The following PCDHA6 variants were observed in gnomAD, a reference collection of about 807,000 sequenced individuals.
PCDHA6 encodes the protein protocadherin alpha 6.
In PCDHA6, 55 loss-of-function variants were observed where a neutral mutation model predicts 60.3. That is an observed-to-expected ratio of 0.91 (90% CI 0.73 to 1.14). The LOEUF (loss-of-function observed/expected upper bound fraction) is 1.14, where lower values mean the gene tolerates loss of function less well. PCDHA6 is among the 50% of genes most tolerant of loss of function. The pLI is 0.00. For missense variants in PCDHA6, 1,327 were observed against 1,256.5 expected (o/e 1.06, Z -0.85); for synonymous variants, 652 against 557.9 (o/e 1.17, Z -2.38).
At chr5:140,840,654 A>T (rs17119241) in intron 1 of PCDHA6, among the ~76,000 whole-genome samples, 31,454 of 151,946 alleles carry the variant, frequency 0.21, 4,191 homozygotes, top group African/African-American at 0.36. Flanking sequence ...AGTGTAAAGA[A>T]TATGCACATA....
At chr5:140,861,605 T>C in intron 1 of PCDHA6, 2 of 362,576 alleles carry the variant, frequency 5.5e-6, no homozygotes, top group Non-Finnish European at 1.1e-5. Context: ...TGAAGAACAA[T>C]AAAGACAACC....
chr5:140,978,842 T>A, intron 1 of PCDHA6, 107 bp from the exon 2 acceptor site: 1 of 1,564,670 alleles, frequency 6.4e-7, no homozygotes, highest in East Asian at 2.3e-5. Flanking sequence ...TTCAATACTT[T>A]TTTAGATGCC....
At chr5:140,991,320 A>G (rs1563572656) in intron 3 of PCDHA6, among the ~76,000 whole-genome samples, 1 of 152,216 alleles carries the variant, frequency 6.6e-6, no homozygotes, top group Non-Finnish European at 1.5e-5. Context: ...CGCATGATAC[A>G]TGAAGGGAAT....
chr5:140,838,880 A>T (rs959221934), intron 1 of PCDHA6, among the ~76,000 whole-genome samples: 5 of 151,848 alleles, frequency 3.3e-5, no homozygotes. Context: ...ATGCCACTGA[A>T]CTCCAGCCTA....
chr5:140,903,086 C>T lies in PCDHA6; in HGVS notation c.2394+72601C>T, dbSNP rs534457835. 2.6e-5 allele frequency among the ~76,000 whole-genome samples: 4 copies of T among 152,260 alleles called. No homozygotes were observed. In the East Asian group the frequency reaches 7.7e-4, roughly 29 times the overall value. ...CCTTTGGGTAGATACCTGATAGTGGCATTGCTGGATCAAATAATAGCTCTA... is the reference window on the plus strand; with the variant it reads ...CCTTTGGGTAGATACCTGATAGTGGTATTGCTGGATCAAATAATAGCTCTA... On this transcript the variant is annotated intron_variant, in intron 1 of 3. Transcript: ENST00000529310.
chr5:140,892,779 A>G (rs1490865049), intron 1 of PCDHA6, among the ~76,000 whole-genome samples: 1 of 152,192 alleles, frequency 6.6e-6, no homozygotes, highest in Non-Finnish European at 1.5e-5. Flanking sequence ...TAGCTTCTTG[A>G]AAATATGTAA....
intron 1 of PCDHA6, chr5:140,852,618 T>A (rs1455728241): frequency 1.1e-6 from 1 of 941,332 alleles, no homozygotes; most frequent in Admixed American, 6.4e-5. Context: ...AAAACTTGAG[T>A]GGTCTCTGAG....
intron 1 of PCDHA6, chr5:140,863,371 C>A: frequency 2.6e-6 from 3 of 1,169,148 alleles, no homozygotes; most frequent in Non-Finnish European, 3.7e-6. Context: ...CTTGGCGCAG[C>A]TCACCGAGAG....
At chr5:140,846,314 A>T (rs888599535) in intron 1 of PCDHA6, among the ~76,000 whole-genome samples, 1 of 148,000 alleles carries the variant, frequency 6.8e-6, no homozygotes, top group African/African-American at 2.5e-5. Context: ...CCATTTATGT[A>T]GAGTGTTGTA....
chr5:140,878,622 T>A (rs1163171601), intron 1 of PCDHA6, among the ~76,000 whole-genome samples: 1 of 152,244 alleles, frequency 6.6e-6, no homozygotes, highest in African/African-American at 2.4e-5. Flanking sequence ...GCATTTTACA[T>A]ATTTTAACTT....
Position 140,830,044 on chromosome 5 carries a change from G to A in PCDHA6, c.1953G>A (p.Val651=). Residue 651 remains valine, a synonymous_variant, in exon 1 of 4, where the codon GTG becomes GTA. Coordinates refer to ENST00000529310, the MANE Select transcript of PCDHA6 (RefSeq NM_018909.4). ...CGCGCCACCGGCTGCTGGTGCTGGT[G>A]AAAGACCACGGTGAGCCGGCGCTGA... is the stretch of plus-strand genomic sequence containing the variant. ...DSPRHRLLVL[V]KDHGEPALTA... 6.2e-7 allele frequency: 1 copy of A among 1,613,812 alleles called. No homozygotes were observed. The highest frequency in any genetic ancestry group is 2.2e-5 in the East Asian group (1 of 44,866).
At chr5:140,927,818 A>C (rs1554205106) in intron 1 of PCDHA6, 1 of 1,614,190 alleles carries the variant, frequency 6.2e-7, no homozygotes, top group Admixed American at 1.7e-5. Flanking sequence ...TTGGAGGCAT[A>C]CATTGAGGCG....
chr5:140,922,268 A>T (rs2153564244), intron 1 of PCDHA6, among the ~76,000 whole-genome samples: 1 of 152,382 alleles, frequency 6.6e-6, no homozygotes, highest in Non-Finnish European at 1.5e-5. Context: ...TGCCATGAAG[A>T]TTGGACCAAG....
chr5:140,945,079 T>C (rs1554216701), intron 1 of PCDHA6, among the ~76,000 whole-genome samples: 1 of 152,126 alleles, frequency 6.6e-6, no homozygotes, highest in South Asian at 2.1e-4. Context: ...ACCAAAACAC[T>C]CTTGGAACTA....
At chr5:140,870,371 T>C (rs1419353241) in intron 1 of PCDHA6, 52 of 1,613,894 alleles carry the variant, frequency 3.2e-5, no homozygotes, top group Non-Finnish European at 4.2e-5. Flanking sequence ...TATGAACTGG[T>C]GGTGACTGCG....
chr5:140,941,190 TTTTTCTTTCTTC>T (rs1475511565), intron 1 of PCDHA6, among the ~76,000 whole-genome samples: 3 of 129,438 alleles, frequency 2.3e-5, no homozygotes, highest in South Asian at 2.5e-4. Context: ...TGCTTCTTTT[TTTTTCTTTCTTC>T]CTTTCTTTCT....
chr5:140,969,547 A>C, intron 1 of PCDHA6: 10 of 1,244,334 alleles, frequency 8.0e-6, no homozygotes, highest in Non-Finnish European at 9.8e-6. Flanking sequence ...AGAGGCATGA[A>C]GCCTTGTCCA....
At chr5:140,936,640 C>T (rs782162757) in intron 1 of PCDHA6, among the ~76,000 whole-genome samples, 2 of 152,208 alleles carry the variant, frequency 1.3e-5, no homozygotes, top group Non-Finnish European at 2.9e-5. Flanking sequence ...TCATAAGCAA[C>T]GTGACTTTAT....
At chr5:140,875,474 T>C (rs1369376569) in intron 1 of PCDHA6, 1 of 1,606,582 alleles carries the variant, frequency 6.2e-7, no homozygotes, top group Non-Finnish European at 8.5e-7. Flanking sequence ...TTTTCTGCAA[T>C]GGTGATTATC....
Sources: gnomAD v4.1 joint callset for allele counts (sites outside exome capture counted in the v4.1 genomes callset) on GRCh38, gnomAD v4.1.1 for gene constraint, MANE v1.5 for transcripts, NCBI Gene and HGNC (gene_info 2026-07-23, HGNC 2026-07-21) for gene names.